NEBL: variants seen among roughly 807,000 people sequenced by gnomAD.
NEBL encodes LIM and SH3 protein 2.
Under a neutral mutation model 140.2 loss-of-function variants are expected in NEBL, and 122 were observed. The ratio of observed to expected loss-of-function variants is 0.87; its 90% CI spans 0.75 to 1.01. The LOEUF is 1.01. NEBL is among the 50% of genes least tolerant of loss of function. NEBL has a pLI of 0.00. For missense variants in NEBL, 1,365 were observed against 1,231.3 expected, an observed-to-expected ratio of 1.11 and a Z score of -1.62; for synonymous variants, 436 against 398.9, an observed-to-expected ratio of 1.09 and a Z score of -1.11.
At chr10:21,020,690 G>A (rs934107538) in intron 2 of NEBL, among the ~76,000 whole-genome samples, 5 of 152,124 alleles carry the variant, frequency 3.3e-5, no homozygotes, top group Admixed American at 3.3e-4. Context: ...CAGACATCTT[G>A]TAGTCCTCCT....
chr10:21,039,953 T>C (rs1834194344), intron 2 of NEBL, among the ~76,000 whole-genome samples: 1 of 152,174 alleles, frequency 6.6e-6, no homozygotes, highest in African/African-American at 2.4e-5. Flanking sequence ...TGTGGGATGA[T>C]CCTTTTGACT....
At chr10:20,912,667 T>C (rs1848377151) in intron 4 of NEBL, among the ~76,000 whole-genome samples, 1 of 152,266 alleles carries the variant, frequency 6.6e-6, no homozygotes, top group Non-Finnish European at 1.5e-5. Context: ...ATTTCCTACT[T>C]ACGTTGCACC....
At chr10:20,925,399 T>G (rs1833849328) in intron 4 of NEBL, among the ~76,000 whole-genome samples, 1 of 152,170 alleles carries the variant, frequency 6.6e-6, no homozygotes, top group South Asian at 2.1e-4. Context: ...CTTTCCCCTC[T>G]TATGACCTAG....
rs57844177 is a variant in NEBL at position 20,796,367 on chromosome 10, GAAAAAAAAA to G, written c.2762-9068_2762-9060del. ...AAGAGTGAAACTCAGTCTAAAACAA[GAAAAAAAAA>G]AAAAAAAAAAAAAAAAAACTTCTCT... On this transcript the variant is annotated intron_variant, in intron 26 of 27. Coordinates refer to ENST00000377122, the MANE Select transcript of NEBL (RefSeq NM_006393.3). Among the ~76,000 whole-genome samples, 188 of 51,518 alleles carry G rather than the reference GAAAAAAAAA, an allele frequency of 3.6e-3. 1 individual carries two copies. The South Asian group carries it at 0.088, about 24-fold the overall frequency. 33.8% of individuals were successfully genotyped at this position (51,518 alleles called of 152,430 possible).
intron 1 of NEBL, among the ~76,000 whole-genome samples, chr10:21,256,283 G>A (rs956711173): frequency 1.4e-4 from 21 of 151,984 alleles, no homozygotes; most frequent in African/African-American, 5.1e-4. Context: ...GGCCAGGCTG[G>A]TCTCAAACTC....
intron 3 of NEBL, among the ~76,000 whole-genome samples, chr10:21,200,120 C>T (rs992852699): frequency 1.3e-5 from 2 of 151,920 alleles, no homozygotes; most frequent in Non-Finnish European, 2.9e-5. Context: ...CATTTCTGCC[C>T]CAGCCCAACC....
At chr10:20,849,833 G>C (rs560747075) in intron 11 of NEBL, among the ~76,000 whole-genome samples, 13 of 152,186 alleles carry the variant, frequency 8.5e-5, no homozygotes, top group African/African-American at 3.1e-4. Context: ...ACATTTACTG[G>C]ATACAGAATT....
chr10:20,875,325 A>T (rs560973257), intron 5 of NEBL, among the ~76,000 whole-genome samples: 52 of 152,048 alleles, frequency 3.4e-4, no homozygotes, highest in Non-Finnish European at 5.6e-4. Context: ...TCCTCACTTC[A>T]TCCCTGATGT....
intron 3 of NEBL, among the ~76,000 whole-genome samples, chr10:21,004,176 A>G (rs1297851870): frequency 6.6e-6 from 1 of 152,200 alleles, no homozygotes; most frequent in Non-Finnish European, 1.5e-5. Context: ...ATTCCTTTAC[A>G]TTAAGAATGC....
rs147758423 is a variant in NEBL at position 21,088,597 on chromosome 10, G to A, written c.165-68396C>T. 3.8e-3 allele frequency among the ~76,000 whole-genome samples: 581 copies of A among 152,272 alleles called. 6 individuals carry two copies. The highest frequency in any genetic ancestry group is 0.013 in the African/African-American group (535 of 41,562). ...CTGAGTGCAGCCAGGTACTTCCTGC[G>A]GGGATGGAAACTAGAATATTTAGTA... On this transcript the variant is annotated intron_variant, in intron 2 of 6. Coordinates refer to the NEBL transcript ENST00000417816.
chr10:20,969,544 CTTTTTTTTT>C (rs771623257), intron 3 of NEBL, among the ~76,000 whole-genome samples: 1 of 115,754 alleles, frequency 8.6e-6, no homozygotes. Flanking sequence ...TTTTTCTTTT[CTTTTTTTTT>C]TTTTTTTTTT....
chr10:21,029,074 G>C, intron 2 of NEBL: 1 of 1,094,886 alleles, frequency 9.1e-7, no homozygotes, highest in South Asian at 1.3e-5. Flanking sequence ...TGAGGACTGG[G>C]GGACTGGTGG....
Position 21,035,844 on chromosome 10 carries a change from A to G in NEBL, c.165-15643T>C, listed in dbSNP as rs551127355. Among the ~76,000 whole-genome samples, 4 of 152,220 alleles carry G rather than the reference A, an allele frequency of 2.6e-5. No individual in the cohort carries two copies. The South Asian group carries it at 8.3e-4, about 32-fold the overall frequency. On this transcript the variant is annotated intron_variant, in intron 2 of 6. Transcript: ENST00000417816. Reference sequence around the variant, plus strand: ...ATATATAACATGTACATACATACAGAGACAGGAAGAAAGAGAGTTGTTTAA... The same window carrying G: ...ATATATAACATGTACATACATACAGGGACAGGAAGAAAGAGAGTTGTTTAA...
intron 3 of NEBL, among the ~76,000 whole-genome samples, chr10:21,011,072 C>A (rs1838320300): frequency 6.6e-6 from 1 of 151,888 alleles, no homozygotes; most frequent in Non-Finnish European, 1.5e-5. Flanking sequence ...TCTTTTATTG[C>A]TACATTGAGA....
At chr10:20,840,685 TAAGA>T (rs2130970543) in intron 13 of NEBL, 50 bp downstream of exon 13, 1 of 1,222,472 alleles carries the variant, frequency 8.2e-7, no homozygotes, top group South Asian at 1.2e-5. Context: ...GATTGACAAA[TAAGA>T]AAGTCAGCTA....
At chr10:21,160,722 A>G (rs1840524343) in intron 2 of NEBL, among the ~76,000 whole-genome samples, 1 of 152,214 alleles carries the variant, frequency 6.6e-6, no homozygotes, top group Non-Finnish European at 1.5e-5. Context: ...GAGAAAAGGC[A>G]GAACATTGAA....
chr10:20,834,693 G>T (rs1173951611), intron 14 of NEBL, among the ~76,000 whole-genome samples: 1 of 152,120 alleles, frequency 6.6e-6, no homozygotes, highest in Non-Finnish European at 1.5e-5. Context: ...AAGTGAACAG[G>T]ACCCCTTCAC....
At chr10:20,827,805 A>C (rs1350289064) in intron 17 of NEBL, among the ~76,000 whole-genome samples, 1 of 152,128 alleles carries the variant, frequency 6.6e-6, no homozygotes, top group Admixed American at 6.6e-5. Flanking sequence ...CATTATACTT[A>C]GCAAACTAAT....
chr10:21,206,433 A>G (rs12412833), intron 3 of NEBL, among the ~76,000 whole-genome samples: 13,950 of 152,244 alleles, frequency 0.092, 870 homozygotes, highest in South Asian at 0.13. Flanking sequence ...CATGGCCAAA[A>G]TATTTTTATC....
Sources: gnomAD v4.1 joint callset for allele counts (sites outside exome capture counted in the v4.1 genomes callset) on GRCh38, gnomAD v4.1.1 for gene constraint, MANE v1.5 for transcripts, NCBI Gene and HGNC (gene_info 2026-07-23, HGNC 2026-07-21) for gene names.